The following FOXO3 variants were observed in gnomAD, a reference collection of about 807,000 sequenced individuals.
The protein encoded by FOXO3 is forkhead box protein O3.
FOXO3 carries 4 observed loss-of-function variants against 41.9 expected under a neutral mutation model. The ratio of observed to expected loss-of-function variants is 0.10; its 90% CI spans 0.05 to 0.22. The LOEUF is 0.22. Among genes scored for constraint, FOXO3 ranks in the 10% least tolerant of loss-of-function variants. FOXO3 has a pLI of 1.00. For missense variants in FOXO3, 534 were observed against 906.8 expected (o/e 0.59, Z 5.28); for synonymous variants, 318 against 389.3 (o/e 0.82, Z 2.16).
In FOXO3 at chr6:108,684,223, T is replaced by G. The variant is rs1352500374; in HGVS notation, c.*4431T>G. ...TCTCTTGTATACTTGTCCTAGCACA[T>G]TATGTACATGGGAAATGTAAACAAA... On this transcript the variant is annotated 3_prime_UTR_variant, in exon 3 of 3. Transcript: ENST00000406360. 3 of 152,576 alleles carry G rather than the reference T, an allele frequency of 2.0e-5. No individual in the cohort carries two copies. The highest frequency in any genetic ancestry group is 1.5e-5 in the Non-Finnish European group (1 of 68,020). 9.5% of individuals were successfully genotyped at this position (152,576 alleles called of 1,614,324 possible).
chr6:108,645,932 A>G (rs1778381487), intron 1 of FOXO3, among the ~76,000 whole-genome samples: 1 of 152,214 alleles, frequency 6.6e-6, no homozygotes, highest in Admixed American at 6.5e-5. Flanking sequence ...AATTCCTAAA[A>G]ATAGAATTGT....
chr6:108,657,049 A>G (rs564666649), intron 1 of FOXO3, among the ~76,000 whole-genome samples: 12 of 152,336 alleles, frequency 7.9e-5, no homozygotes, highest in African/African-American at 2.9e-4. Context: ...TGGAAGGGTT[A>G]TGCCACTGAT....
intron 1 of FOXO3, among the ~76,000 whole-genome samples, chr6:108,563,846 G>C (rs574819874): frequency 6.6e-6 from 1 of 152,178 alleles, no homozygotes; most frequent in East Asian, 1.9e-4. Flanking sequence ...AAGTAGCCGC[G>C]AATTGAGATT....
intron 2 of FOXO3, among the ~76,000 whole-genome samples, chr6:108,678,493 CTTTTT>C: frequency 7.0e-6 from 1 of 143,650 alleles, no homozygotes; most frequent in East Asian, 2.0e-4. Flanking sequence ...TATGAATATA[CTTTTT>C]TTTTTTTTTT....
rs537789511 is a variant in FOXO3 at position 108,681,168 on chromosome 6, T to G, written c.*1376T>G. ...TGATTATATTCGTTACCTTCTTTGG[T>G]AGACGGAATAGTTGGGACCACCTTT... On this transcript the variant is annotated 3_prime_UTR_variant, in exon 3 of 3. Transcript: ENST00000406360. 3 of 152,796 alleles carry G rather than the reference T, an allele frequency of 2.0e-5. No individual in the cohort carries two copies. In the South Asian group the frequency reaches 6.2e-4, roughly 32 times the overall value. 9.5% of individuals were successfully genotyped at this position (152,796 alleles called of 1,614,324 possible).
chr6:108,635,242 C>T (rs759584148), intron 1 of FOXO3, among the ~76,000 whole-genome samples: 9 of 151,880 alleles, frequency 5.9e-5, no homozygotes, highest in East Asian at 3.9e-4. Flanking sequence ...TTGCAGTGAG[C>T]GGAGATCACA....
At chr6:108,645,203 C>T (rs1456373177) in intron 1 of FOXO3, among the ~76,000 whole-genome samples, 2 of 152,202 alleles carry the variant, frequency 1.3e-5, no homozygotes, top group African/African-American at 2.4e-5. Context: ...AAAGCATAAA[C>T]TTAACCAAGT....
chr6:108,586,936 A>ATAATATTAT (rs1356615576), intron 1 of FOXO3, among the ~76,000 whole-genome samples: 1 of 133,626 alleles, frequency 7.5e-6, no homozygotes, highest in African/African-American at 2.8e-5. Context: ...CTGAACGTAA[A>ATAATATTAT]TATTATTATT....
intron 1 of FOXO3, among the ~76,000 whole-genome samples, chr6:108,563,037 C>T (rs1275293495): frequency 2.6e-5 from 4 of 152,076 alleles, no homozygotes; most frequent in Non-Finnish European, 4.4e-5. Context: ...TAGTTGCTTC[C>T]TCCTTCCCTT....
rs1345500356 is a variant in FOXO3 at position 108,680,534 on chromosome 6, G to A, written c.*742G>A. 1.3e-5 allele frequency: 2 copies of A among 152,384 alleles called. No homozygotes were observed. The highest frequency in any genetic ancestry group is 4.8e-5 in the African/African-American group (2 of 41,454). 9.4% of individuals were successfully genotyped at this position (152,384 alleles called of 1,614,324 possible). Reference sequence around the variant, plus strand: ...TCCGGCCCAGTGTGTTTCCGGTTCTGAGTCAGGGTGATCTGTGGACGGGAC... The same window carrying A: ...TCCGGCCCAGTGTGTTTCCGGTTCTAAGTCAGGGTGATCTGTGGACGGGAC... On this transcript the variant is annotated 3_prime_UTR_variant, in exon 3 of 3. Coordinates refer to ENST00000406360, the MANE Select transcript of FOXO3 (RefSeq NM_001455.4).
intron 1 of FOXO3, among the ~76,000 whole-genome samples, chr6:108,578,624 G>C (rs1028199458): frequency 6.6e-6 from 1 of 151,672 alleles, no homozygotes; most frequent in Non-Finnish European, 1.5e-5. Flanking sequence ...TTGGATTCAT[G>C]TTTTTTTTTG....
chr6:108,584,118 C>T (rs531280733), intron 1 of FOXO3, among the ~76,000 whole-genome samples: 17 of 152,238 alleles, frequency 1.1e-4, no homozygotes, highest in African/African-American at 3.1e-4. Context: ...TCCGCCGGCA[C>T]GGTAATGCAT....
chr6:108,620,289 A>C lies in FOXO3; in HGVS notation c.622-43166A>C, dbSNP rs185917048. ...CATGTGCCTTTTGATTTGTTTTTAC[A>C]TGTGGATCATTTTCCCTTAACACTT... On this transcript the variant is annotated intron_variant, in intron 1 of 2. Coordinates refer to ENST00000406360, the MANE Select transcript of FOXO3 (RefSeq NM_001455.4). 8.8e-4 allele frequency among the ~76,000 whole-genome samples: 134 copies of C among 152,304 alleles called. No homozygotes were observed. The East Asian group carries it at 0.023, about 26-fold the overall frequency.
intron 1 of FOXO3, among the ~76,000 whole-genome samples, chr6:108,649,661 A>G (rs1328228297): frequency 7.3e-5 from 11 of 151,432 alleles, no homozygotes; most frequent in African/African-American, 2.7e-4. Flanking sequence ...AAGTGCTGGG[A>G]TTACAGGTGT....
chr6:108,628,425 G>A (rs1462924710), intron 1 of FOXO3, among the ~76,000 whole-genome samples: 1 of 152,230 alleles, frequency 6.6e-6, no homozygotes, highest in African/African-American at 2.4e-5. Flanking sequence ...GATAAAGCAT[G>A]AGCTCAGCAG....
At chr6:108,643,059 C>T (rs954923055) in intron 1 of FOXO3, among the ~76,000 whole-genome samples, 1 of 152,210 alleles carries the variant, frequency 6.6e-6, no homozygotes, top group East Asian at 1.9e-4. Context: ...TAAAGAATTT[C>T]TATGGGTTAC....
At chr6:108,644,298 G>A (rs1342829171) in intron 1 of FOXO3, among the ~76,000 whole-genome samples, 1 of 152,188 alleles carries the variant, frequency 6.6e-6, no homozygotes, top group African/African-American at 2.4e-5. Context: ...TAGTACGTAT[G>A]AAACACTTAG....
At position 108,682,936 on chromosome 6, in the gene FOXO3, CT is replaced by C. The variant is rs1770922870; in HGVS notation, c.*3145del. ...ACATGCGCTCTTGGGATCTGCTGTT[CT>C]CTCCAGGGCTCCAGAACCTGATACC... On this transcript the variant is annotated 3_prime_UTR_variant, in exon 3 of 3. Coordinates refer to ENST00000406360, the MANE Select transcript of FOXO3 (RefSeq NM_001455.4). The C allele has an allele frequency of 6.6e-6, 1 of 152,618 alleles. No individual in the cohort carries two copies. The allele number at this position is 152,618 out of a possible 1,614,324, so 9.5% of individuals were successfully genotyped here. A position where few individuals can be genotyped will look rare whatever the true frequency, so the allele number is the denominator to read the frequency against.
chr6:108,644,934 A>C (rs1778354452), intron 1 of FOXO3, among the ~76,000 whole-genome samples: 1 of 152,172 alleles, frequency 6.6e-6, no homozygotes, highest in Non-Finnish European at 1.5e-5. Context: ...ACAAAATTAT[A>C]AAATCTATGA....
Sources: gnomAD v4.1 joint callset for allele counts (sites outside exome capture counted in the v4.1 genomes callset) on GRCh38, gnomAD v4.1.1 for gene constraint, MANE v1.5 for transcripts, NCBI Gene and HGNC (gene_info 2026-07-23, HGNC 2026-07-21) for gene names.